The following GK variants were observed in gnomAD, a reference collection of about 807,000 sequenced individuals.
GK encodes the protein ATP:glycerol 3-phosphotransferase.
Under a neutral mutation model 56.4 loss-of-function variants are expected in GK, and 9 were observed. That is an observed-to-expected ratio of 0.16 (90% CI 0.10 to 0.28). The LOEUF is 0.28. GK is among the 10% of genes least tolerant of loss of function. GK has a pLI of 1.00. For missense variants in GK, 161 were observed against 431.4 expected (o/e 0.37, Z 5.55); for synonymous variants, 104 against 144.1 (o/e 0.72, Z 1.99).
chrX:30,662,346 T>C (rs1241553794), intron 1 of GK, among the ~76,000 whole-genome samples: 2 of 112,367 alleles, frequency 1.8e-5, no homozygotes, highest in Admixed American at 9.5e-5. Context: ...TATATTTCTA[T>C]TGGACAGGCT....
chrX:30,689,383 G>A (rs945479722), intron 4 of GK: 9 of 292,012 alleles, frequency 3.1e-5, no homozygotes, highest in Admixed American at 3.5e-5. Flanking sequence ...CTAATGGCTT[G>A]TATCAATCAC....
At chrX:30,674,369 G>A (rs778165110) in intron 3 of GK, 35 of 328,757 alleles carry the variant, frequency 1.1e-4, no homozygotes, top group South Asian at 8.1e-4. Flanking sequence ...CCTTCCTGTT[G>A]CTGTGCTTAA....
At chrX:30,697,821 G>A in intron 9 of GK, 72 bp downstream of exon 9, 1 of 757,214 alleles carries the variant, frequency 1.3e-6, no homozygotes, top group Non-Finnish European at 2.1e-6. Flanking sequence ...TTTATTTTTA[G>A]ACAAGCAGAA....
At chrX:30,717,189 G>A (rs897673602) in intron 13 of GK, among the ~76,000 whole-genome samples, 2 of 110,984 alleles carry the variant, frequency 1.8e-5, no homozygotes, top group African/African-American at 3.3e-5. Context: ...CGTTTGGTTT[G>A]GAGTGACTCT....
At chrX:30,725,283 T>C (rs1461838935) in intron 19 of GK, among the ~76,000 whole-genome samples, 2 of 112,193 alleles carry the variant, frequency 1.8e-5, no homozygotes, top group African/African-American at 6.5e-5. Context: ...CTTCCAGAAC[T>C]ATCTACTGCC....
intron 4 of GK, among the ~76,000 whole-genome samples, chrX:30,687,166 C>A (rs1355467114): frequency 9.0e-6 from 1 of 111,077 alleles, no homozygotes; most frequent in Non-Finnish European, 1.9e-5. Flanking sequence ...GATTGTGCTC[C>A]CTCAGTACAT....
intron 4 of GK, among the ~76,000 whole-genome samples, chrX:30,679,075 T>G (rs927949784): frequency 9.1e-6 from 1 of 110,158 alleles, no homozygotes; most frequent in Admixed American, 9.8e-5. Flanking sequence ...ACAGACTATT[T>G]AATGACTAGT....
chrX:30,700,532 C>A, intron 10 of GK, 83 bp downstream of exon 10: 1 of 800,989 alleles, frequency 1.2e-6, no homozygotes, highest in East Asian at 3.2e-5. Flanking sequence ...CAGTGTGCCT[C>A]TTTTTAAACT....
chrX:30,699,331 T>TAC (rs1340816343), intron 9 of GK, among the ~76,000 whole-genome samples: 4 of 100,841 alleles, frequency 4.0e-5, no homozygotes, highest in Non-Finnish European at 6.0e-5. Flanking sequence ...TATATATATA[T>TAC]ACACACATAC....
At chrX:30,656,239 C>T (rs1477986332) in intron 1 of GK, among the ~76,000 whole-genome samples, 1 of 112,087 alleles carries the variant, frequency 8.9e-6, no homozygotes, top group African/African-American at 3.2e-5. Flanking sequence ...AGTCATATTA[C>T]TCCACGTTGT....
intron 4 of GK, among the ~76,000 whole-genome samples, chrX:30,679,486 TC>T (rs1934158241): frequency 9.0e-6 from 1 of 111,685 alleles, no homozygotes; most frequent in Non-Finnish European, 1.9e-5. Flanking sequence ...CCCGGCTAGT[TC>T]CAGTTATATT....
intron 3 of GK, among the ~76,000 whole-genome samples, chrX:30,671,151 C>G (rs1225866256): frequency 9.2e-6 from 1 of 108,497 alleles, no homozygotes; most frequent in Non-Finnish European, 1.9e-5. Context: ...ATTAGCTGGG[C>G]GTGGTGGCGC....
intron 19 of GK, among the ~76,000 whole-genome samples, 190 bp downstream of exon 19, chrX:30,724,371 C>T (rs1242258775): frequency 1.8e-5 from 2 of 111,962 alleles, no homozygotes; most frequent in Non-Finnish European, 3.8e-5. Context: ...GATATACATA[C>T]TTTAACTTTA....
intron 1 of GK, among the ~76,000 whole-genome samples, chrX:30,664,177 T>G (rs1161686230): frequency 3.2e-5 from 3 of 94,530 alleles, no homozygotes; most frequent in Non-Finnish European, 6.1e-5. Context: ...TAGATATATA[T>G]ATATCTTATA....
At chrX:30,683,888 CCTTGGGCTTCT>C (rs2147179251) in intron 4 of GK, among the ~76,000 whole-genome samples, 1 of 111,915 alleles carries the variant, frequency 8.9e-6, no homozygotes, top group East Asian at 2.8e-4. Context: ...CCAAAGCAGG[CCTTGGGCTTCT>C]CTTGCCTCTC....
intron 1 of GK, among the ~76,000 whole-genome samples, chrX:30,662,675 TTC>T (rs1932794754): frequency 9.1e-6 from 1 of 109,797 alleles, no homozygotes; most frequent in Non-Finnish European, 1.9e-5. Flanking sequence ...GACACCTTGT[TTC>T]TTTCTTTCTT....
chrX:30,729,955 G>A lies in GK; in HGVS notation c.*1213G>A, dbSNP rs755685326. On this transcript the variant is annotated 3_prime_UTR_variant, in exon 21 of 21. Transcript: ENST00000427190. ...GAAATAAAGCCAAGAATCTCTTTCA[G>A]TTCAAATGTTATCAATTGTTAATAA... 8.9e-6 allele frequency: 1 copy of A among 112,206 alleles called. No homozygotes were observed. The highest frequency in any genetic ancestry group is 3.2e-5 in the African/African-American group (1 of 30,987). The allele number at this position is 112,206 out of a possible 1,213,427, so 9.2% of individuals were successfully genotyped here.
At chrX:30,695,360 C>T (rs1006800421) in intron 6 of GK, among the ~76,000 whole-genome samples, 4 of 112,106 alleles carry the variant, frequency 3.6e-5, no homozygotes, top group Non-Finnish European at 5.6e-5. Context: ...ACAATTGCAT[C>T]GAACCAGAGT....
At chrX:30,691,047 C>T in intron 4 of GK, 76 bp from the exon 5 acceptor site, 1 of 586,312 alleles carries the variant, frequency 1.7e-6, no homozygotes, top group South Asian at 2.6e-5. Context: ...AGTCTTTTAT[C>T]CTTGATAGTG....
Sources: gnomAD v4.1 joint callset for allele counts (sites outside exome capture counted in the v4.1 genomes callset) on GRCh38, gnomAD v4.1.1 for gene constraint, MANE v1.5 for transcripts, NCBI Gene and HGNC (gene_info 2026-07-23, HGNC 2026-07-21) for gene names.